Variants in PKHD1 observed in about 807,000 individuals in gnomAD.
The protein encoded by PKHD1 is PKHD1 ciliary IPT domain containing fibrocystin/polyductin, also known as fibrocystin.
PKHD1 carries 291 observed loss-of-function variants against 412.0 expected under a neutral mutation model. The observed-to-expected ratio is 0.71, with a 90% confidence interval of 0.64 to 0.78. The LOEUF (loss-of-function observed/expected upper bound fraction) is 0.78, where lower values mean the gene tolerates loss of function less well. Ranked by LOEUF, PKHD1 falls within the 30% of genes least tolerant of loss-of-function variation. The pLI, the probability that PKHD1 is intolerant of heterozygous loss-of-function variation, is 0.00. For synonymous variants in PKHD1, 1,777 were observed against 1,821.5 expected, an observed-to-expected ratio of 0.98 and a Z score of 0.62; for missense variants, 4,825 against 4,950.7, an observed-to-expected ratio of 0.97 and a Z score of 0.76.
chr6:51,800,902 G>A (rs1401119473), intron 52 of PKHD1, among the ~76,000 whole-genome samples: 1 of 152,154 alleles, frequency 6.6e-6, no homozygotes, highest in Admixed American at 6.6e-5. Flanking sequence ...GGACATACAA[G>A]GACTATTTGT....
At chr6:51,627,143 T>G (rs1004179742) in intron 65 of PKHD1, 27 bp from the exon 66 acceptor site, 16 of 1,600,550 alleles carry the variant, frequency 1.0e-5, no homozygotes, top group Non-Finnish European at 1.4e-5. Context: ...GAAAAAGGAT[T>G]TTTTTGTTCA....
intron 60 of PKHD1, among the ~76,000 whole-genome samples, chr6:51,714,047 T>C (rs952410993): frequency 3.3e-5 from 5 of 152,222 alleles, no homozygotes; most frequent in East Asian, 1.9e-4. Flanking sequence ...TTCCTCATCA[T>C]AGAAGAGATG....
At chr6:51,884,048 A>G (rs1166846371) in intron 45 of PKHD1, among the ~76,000 whole-genome samples, 1 of 152,176 alleles carries the variant, frequency 6.6e-6, no homozygotes, top group Non-Finnish European at 1.5e-5. Flanking sequence ...CCCAAATTTT[A>G]TTATTCTGTT....
At chr6:51,925,636 G>C (rs1248414966) in intron 37 of PKHD1, among the ~76,000 whole-genome samples, 1 of 152,110 alleles carries the variant, frequency 6.6e-6, no homozygotes, top group Admixed American at 6.6e-5. Flanking sequence ...GGTCTTATCT[G>C]GTCTTCAAAC....
chr6:52,026,182 C>G lies in PKHD1; in HGVS notation c.3629-1G>C. On this transcript the variant is annotated splice_acceptor_variant, in intron 31 of 66. Transcript: ENST00000371117. LOFTEE classifies it high-confidence loss of function. ...CCTGAGATGCTGAGGATGGTCCCTC[C>G]TAAAGTATGAATACGGAAAGCAAAA... 6.2e-7 allele frequency: 1 copy of G among 1,613,672 alleles called. No homozygotes were observed. The highest frequency in any genetic ancestry group is 8.5e-7 in the Non-Finnish European group (1 of 1,179,810).
intron 34 of PKHD1, among the ~76,000 whole-genome samples, chr6:52,010,764 G>A (rs1799702964): frequency 6.6e-6 from 1 of 152,130 alleles, no homozygotes; most frequent in African/African-American, 2.4e-5. Context: ...AGAAATGCAG[G>A]GACAATACTT....
chr6:51,632,339 G>A (rs1471545244), intron 65 of PKHD1, among the ~76,000 whole-genome samples: 1 of 152,080 alleles, frequency 6.6e-6, no homozygotes, highest in East Asian at 1.9e-4. Flanking sequence ...TCCATAGTGA[G>A]TATTTAGTTA....
At chr6:51,955,982 G>A (rs1791068779) in intron 36 of PKHD1, among the ~76,000 whole-genome samples, 1 of 151,952 alleles carries the variant, frequency 6.6e-6, no homozygotes, top group Non-Finnish European at 1.5e-5. Flanking sequence ...GATGATGATT[G>A]TGATTATTCA....
At chr6:51,888,522 T>A (rs951786446) in intron 43 of PKHD1, among the ~76,000 whole-genome samples, 1 of 151,962 alleles carries the variant, frequency 6.6e-6, no homozygotes, top group Non-Finnish European at 1.5e-5. Context: ...ACCAAGAGAT[T>A]TAATAAAAAA....
chr6:51,679,861 G>C (rs1776395748), intron 60 of PKHD1, among the ~76,000 whole-genome samples: 1 of 151,920 alleles, frequency 6.6e-6, no homozygotes, highest in Non-Finnish European at 1.5e-5. Context: ...CCTTCCTCTG[G>C]CATCTTAATG....
Position 51,878,499 on chromosome 6 carries a change from A to T in PKHD1, c.7350+4594T>A, listed in dbSNP as rs1776894569. Among the ~76,000 whole-genome samples, 2 of 66,304 alleles carry T rather than the reference A, an allele frequency of 3.0e-5. 1 individual carries two copies. The highest frequency in any genetic ancestry group is 5.3e-5 in the Non-Finnish European group (2 of 37,554). The allele number at this position is 66,304 out of a possible 152,430, so 43.5% of individuals were successfully genotyped here. Reference sequence around the variant, plus strand: ...TAAATGTAATCCAGCATATAAACATAGCCAAAGACAAAAACCACATGATTA... The same window carrying T: ...TAAATGTAATCCAGCATATAAACATTGCCAAAGACAAAAACCACATGATTA... On this transcript the variant is annotated intron_variant, in intron 46 of 66. Coordinates refer to ENST00000371117, the MANE Select transcript of PKHD1 (RefSeq NM_138694.4).
chr6:52,048,278 T>C (rs1309880429), intron 23 of PKHD1, among the ~76,000 whole-genome samples: 1 of 152,230 alleles, frequency 6.6e-6, no homozygotes, highest in African/African-American at 2.4e-5. Context: ...CTATACATCT[T>C]CCGCATCTAC....
intron 31 of PKHD1, 77 bp from the exon 32 acceptor site, chr6:52,026,258 T>A: frequency 7.2e-7 from 1 of 1,379,790 alleles, no homozygotes; most frequent in South Asian, 1.2e-5. Context: ...GTGGAAGTCC[T>A]AGGTCAATTA....
chr6:51,775,944 C>A, intron 53 of PKHD1, 23 bp from the exon 54 acceptor site: 2 of 1,059,568 alleles, frequency 1.9e-6, no homozygotes, highest in Non-Finnish European at 2.9e-6. Flanking sequence ...AAAAGTATAT[C>A]ATTCAAATCA....
At chr6:51,791,500 G>T in intron 52 of PKHD1, 127 bp from the exon 53 acceptor site, 1 of 804,098 alleles carries the variant, frequency 1.2e-6, no homozygotes, top group African/African-American at 1.7e-5. Flanking sequence ...TATAGCAACT[G>T]GAAGAACAAA....
At chr6:51,646,910 A>G (rs1049220667) in intron 63 of PKHD1, among the ~76,000 whole-genome samples, 2 of 152,114 alleles carry the variant, frequency 1.3e-5, no homozygotes, top group African/African-American at 4.8e-5. Flanking sequence ...GGTCCTCTAA[A>G]CATGCGAGTC....
chr6:51,636,983 A>T (rs1471957005), intron 64 of PKHD1, among the ~76,000 whole-genome samples: 1 of 152,224 alleles, frequency 6.6e-6, no homozygotes, highest in Non-Finnish European at 1.5e-5. Context: ...ATGATTCTTC[A>T]GTTAGTTCTT....
intron 35 of PKHD1, among the ~76,000 whole-genome samples, chr6:51,993,941 C>T (rs941559871): frequency 2.6e-5 from 4 of 151,884 alleles, no homozygotes; most frequent in Admixed American, 1.3e-4. Flanking sequence ...CCACAGAGAG[C>T]CAATAGGTGT....
chr6:51,665,414 A>T (rs1047557006), intron 60 of PKHD1, among the ~76,000 whole-genome samples: 1 of 152,122 alleles, frequency 6.6e-6, no homozygotes, highest in African/African-American at 2.4e-5. Context: ...TAAGTAGAAA[A>T]TTTTCCTTTT....
Sources: allele counts gnomAD v4.1 joint callset (sites outside exome capture counted in the v4.1 genomes callset), GRCh38; gene constraint gnomAD v4.1.1; transcripts MANE v1.5; gene names NCBI Gene and HGNC (gene_info 2026-07-23, HGNC 2026-07-21).